The following LMTK2 variants were observed in gnomAD, a reference collection of about 807,000 sequenced individuals.
LMTK2 encodes serine/threonine-protein kinase LMTK2.
A neutral mutation model predicts 127.5 loss-of-function variants in LMTK2; 37 were observed. That is an observed-to-expected ratio of 0.29 (90% CI 0.22 to 0.38). The LOEUF is 0.38. LMTK2 is among the 10% of genes least tolerant of loss of function. The pLI is 1.00. For synonymous variants in LMTK2, 819 were observed against 810.1 expected, an observed-to-expected ratio of 1.01 and a Z score of -0.19; for missense variants, 1,694 against 1,920.3, an observed-to-expected ratio of 0.88 and a Z score of 2.20.
At chr7:98,139,636 G>T (rs905263209) in intron 2 of LMTK2, among the ~76,000 whole-genome samples, 1 of 152,068 alleles carries the variant, frequency 6.6e-6, no homozygotes, top group Non-Finnish European at 1.5e-5. Flanking sequence ...TTGAAGTTAC[G>T]GTACCTCATT....
chr7:98,202,371 A>G (rs1797716409), intron 11 of LMTK2, among the ~76,000 whole-genome samples: 1 of 152,100 alleles, frequency 6.6e-6, no homozygotes, highest in Non-Finnish European at 1.5e-5. Context: ...GCATTTTTAT[A>G]ATAGTCCTTT....
At chr7:98,156,827 G>A (rs1345131500) in intron 5 of LMTK2, among the ~76,000 whole-genome samples, 3 of 152,202 alleles carry the variant, frequency 2.0e-5, no homozygotes, top group Non-Finnish European at 4.4e-5. Context: ...GTTTAAGGCT[G>A]AAGGCTGTCT....
At position 98,193,946 on chromosome 7, in the gene LMTK2, G is replaced by C. The variant is rs761806620; in HGVS notation, c.3481G>C (p.Asp1161His). 1 of 1,614,134 alleles carries C rather than the reference G, an allele frequency of 6.2e-7. No individual in the cohort carries two copies. Among genetic ancestry groups the C allele is most frequent in the Middle Eastern group, 1.6e-4 (1 of 6,062 alleles). ...CCTGGAAGCCAGAAAGAGCCAGCCA[G>C]ATGAAAGTTGTCTGTCTGCTTTGCA... ...SCLEARKSQPDESCLSALHNS... is the reference protein window; with the variant it reads ...SCLEARKSQPHESCLSALHNS... Residue 1161 changes from aspartate to histidine, a missense_variant, in exon 11 of 14, where the codon GAT becomes CAT. By Grantham distance (81) the Asp-to-His change is moderately conservative. Coordinates refer to ENST00000297293, the MANE Select transcript of LMTK2 (RefSeq NM_014916.4). The surrounding 1 kb of genome is among the most constrained non-coding windows in gnomAD (Gnocchi z 4.1).
At chr7:98,184,677 G>A (rs1797407085) in intron 7 of LMTK2, among the ~76,000 whole-genome samples, 1 of 152,064 alleles carries the variant, frequency 6.6e-6, no homozygotes, top group Admixed American at 6.5e-5. Flanking sequence ...ACCTCCTGAG[G>A]CTGTGTCACA....
chr7:98,183,117 T>A (rs1416731368), intron 7 of LMTK2, among the ~76,000 whole-genome samples: 6 of 152,228 alleles, frequency 3.9e-5, no homozygotes, highest in African/African-American at 1.4e-4. Flanking sequence ...CCCAAATATA[T>A]TCCTTTGACA....
chr7:98,192,611 G>T lies in LMTK2; in HGVS notation c.2146G>T (p.Val716Phe), dbSNP rs1373500361. The T allele has an allele frequency of 1.2e-6, 2 of 1,613,042 alleles. No homozygotes were observed. Among genetic ancestry groups the T allele is most frequent in the African/African-American group, 1.3e-5 (1 of 74,898 alleles). The change falls in exon 11 of 14, where the codon GTT (valine) becomes TTT (phenylalanine). Residue 716 changes from valine (V) to phenylalanine (F), a missense_variant. By Grantham distance (50) the Val-to-Phe change is conservative. Coordinates refer to ENST00000297293, the MANE Select transcript of LMTK2 (RefSeq NM_014916.4). ...MHQDNFDPLN[V>F]QELSENFLFL... is the part of the protein sequence containing the mutation. The stretch of plus-strand genomic sequence containing the variant: ...CCAAGATAATTTTGATCCATTGAAT[G>T]TTCAAGAATTGTCAGAAAACTTTTT...
At chr7:98,111,946 G>A (rs891915459) in intron 1 of LMTK2, among the ~76,000 whole-genome samples, 1 of 152,216 alleles carries the variant, frequency 6.6e-6, no homozygotes, top group African/African-American at 2.4e-5. Flanking sequence ...ATCTGGGTTA[G>A]TCTGCTTTTA....
intron 1 of LMTK2, among the ~76,000 whole-genome samples, chr7:98,130,707 A>G (rs765250786): frequency 2.0e-5 from 3 of 152,190 alleles, no homozygotes; most frequent in Non-Finnish European, 2.9e-5. Flanking sequence ...AGACTTAGGG[A>G]AAAGGCAGCC....
chr7:98,110,931 A>G (rs1284894033), intron 1 of LMTK2, among the ~76,000 whole-genome samples: 2 of 152,246 alleles, frequency 1.3e-5, no homozygotes, highest in East Asian at 1.9e-4. Context: ...AAAGATTTCT[A>G]AAGTAAAGGA....
intron 1 of LMTK2, among the ~76,000 whole-genome samples, chr7:98,117,264 CT>C (rs1796300762): frequency 6.6e-6 from 1 of 152,158 alleles, no homozygotes; most frequent in South Asian, 2.1e-4. Context: ...TCCTCTTCCC[CT>C]TCCCTTTCCT....
In LMTK2 at chr7:98,171,782, C is replaced by T. The variant is rs1479923689; in HGVS notation, c.791+108C>T. The T allele has an allele frequency of 7.9e-7, 1 of 1,259,154 alleles. No individual in the cohort carries two copies. Among genetic ancestry groups the T allele is most frequent in the African/African-American group, 1.5e-5 (1 of 66,198 alleles). 78.0% of individuals were successfully genotyped at this position (1,259,154 alleles called of 1,614,324 possible). ...GGAGGACAGGAGGTGGCAGAATGAA[C>T]CCAGCTCATGTAGGTAGAAGCGATC... On this transcript the variant is annotated intron_variant, in intron 7 of 13. Transcript: ENST00000297293. This position sits in a 1 kb window ranked among gnomAD's most constrained non-coding sequence, Gnocchi z 5.1.
intron 11 of LMTK2, among the ~76,000 whole-genome samples, chr7:98,196,040 A>G (rs1797618135): frequency 6.6e-6 from 1 of 152,066 alleles, no homozygotes; most frequent in Non-Finnish European, 1.5e-5. Context: ...AAATATAAAA[A>G]TTAGCCAGTC....
intron 1 of LMTK2, among the ~76,000 whole-genome samples, chr7:98,131,242 G>C (rs897570341): frequency 5.9e-5 from 9 of 152,210 alleles, no homozygotes; most frequent in Non-Finnish European, 1.2e-4. Flanking sequence ...TGGTCAGTTA[G>C]TGTTCAGATT....
intron 2 of LMTK2, among the ~76,000 whole-genome samples, chr7:98,140,126 CTTT>C (rs1562902573): frequency 2.7e-3 from 33 of 12,026 alleles, no homozygotes; most frequent in East Asian, 7.8e-3. Flanking sequence ...TTCTTTCTTT[CTTT>C]CTTTCTTTCT....
At chr7:98,200,337 C>T (rs1797688923) in intron 11 of LMTK2, among the ~76,000 whole-genome samples, 1 of 152,206 alleles carries the variant, frequency 6.6e-6, no homozygotes, top group African/African-American at 2.4e-5. Context: ...CAAACACATT[C>T]TAAGAAACTC....
At chr7:98,175,136 C>T (rs1377469519) in intron 7 of LMTK2, among the ~76,000 whole-genome samples, 2 of 152,152 alleles carry the variant, frequency 1.3e-5, no homozygotes, top group Non-Finnish European at 2.9e-5. Flanking sequence ...AGTTTGTACC[C>T]ACGTGCACAT....
intron 6 of LMTK2, among the ~76,000 whole-genome samples, chr7:98,160,778 T>C (rs576426981): frequency 1.3e-5 from 2 of 152,364 alleles, no homozygotes; most frequent in South Asian, 2.1e-4. Flanking sequence ...TGCCCTGTTA[T>C]GTAGGCATGA....
intron 7 of LMTK2, among the ~76,000 whole-genome samples, chr7:98,175,955 AT>A (rs1797270433): frequency 6.6e-6 from 1 of 152,232 alleles, no homozygotes; most frequent in African/African-American, 2.4e-5. Context: ...GAAGACGGAA[AT>A]TTCTATAACT....
rs1299335400 is a variant in LMTK2, at chr7:98,207,602, C to T, written c.*2110C>T. 1 of 151,666 alleles carries T rather than the reference C, an allele frequency of 6.6e-6. No homozygotes were observed. Among genetic ancestry groups the T allele is most frequent in the Non-Finnish European group, 1.5e-5 (1 of 67,972 alleles). 9.4% of individuals were successfully genotyped at this position (151,666 alleles called of 1,614,324 possible). On this transcript the variant is annotated 3_prime_UTR_variant, in exon 14 of 14. Transcript: ENST00000297293. ...GCTGTGGGGACTTCCTGAGTTTTCTCAGTTTTTACATCTAAGATTAGTCTT... is the reference window on the plus strand; with the variant it reads ...GCTGTGGGGACTTCCTGAGTTTTCTTAGTTTTTACATCTAAGATTAGTCTT...
Sources: allele counts gnomAD v4.1 joint callset (sites outside exome capture counted in the v4.1 genomes callset), GRCh38; gene constraint gnomAD v4.1.1; non-coding constraint Gnocchi (gnomAD v3.1); transcripts MANE v1.5; gene names NCBI Gene and HGNC (gene_info 2026-07-23, HGNC 2026-07-21).